The following AK7 variants were observed in gnomAD, a reference collection of about 807,000 sequenced individuals.
AK7 encodes adenylate kinase 7.
In AK7, 78 loss-of-function variants were observed where a neutral mutation model predicts 96.6. That is an observed-to-expected ratio of 0.81 (90% CI 0.67 to 0.97). The LOEUF is 0.97. AK7 is among the 50% of genes least tolerant of loss of function. AK7 has a pLI of 0.00. For synonymous variants in AK7, 302 were observed against 317.2 expected, an observed-to-expected ratio of 0.95 and a Z score of 0.51; for missense variants, 855 against 887.9, an observed-to-expected ratio of 0.96 and a Z score of 0.47.
chr14:96,398,100 C>A lies in AK7; in HGVS notation c.131C>A (p.Ala44Asp). The change falls in exon 2 of 18, where the codon GCT becomes GAT. Residue 44 changes from alanine to aspartate, a missense_variant. Ala to Asp is a moderately radical substitution (Grantham distance 126). Coordinates refer to ENST00000267584, the MANE Select transcript of AK7 (RefSeq NM_152327.5). The stretch of plus-strand genomic sequence containing the variant: ...TTTCTATCTAACTGTGTAGTTGGGG[C>A]TTCGCTTGAAGAAATTACAGAGGAA... ...GKFLSNCVVG[A>D]SLEEITEEEE... 1 of 1,614,024 alleles carries A rather than the reference C, an allele frequency of 6.2e-7. No homozygotes were observed. The highest frequency in any genetic ancestry group is 1.1e-5 in the South Asian group (1 of 91,080).
chr14:96,407,789 G>A (rs1032469133), intron 3 of AK7, among the ~76,000 whole-genome samples: 1 of 151,860 alleles, frequency 6.6e-6, no homozygotes, highest in Non-Finnish European at 1.5e-5. Context: ...CACTGTGTTA[G>A]CCAGGATGGT....
At chr14:96,427,100 C>T (rs892336920) in intron 5 of AK7, among the ~76,000 whole-genome samples, 1 of 152,104 alleles carries the variant, frequency 6.6e-6, no homozygotes, top group African/African-American at 2.4e-5. Flanking sequence ...ACAAAATTAG[C>T]CAGGCGTGGT....
chr14:96,487,032 A>G lies in AK7; in HGVS notation c.2109A>G (p.Arg703=). ...IQGLNECCNV[R]PEDPVDFLAE... is the part of the protein sequence containing the mutation. Reference sequence around the variant, plus strand: ...GCCTGAATGAATGTTGCAACGTCCGACCCGAAGACCCTGTTGATTTTCTGG... The same window carrying G: ...GCCTGAATGAATGTTGCAACGTCCGGCCCGAAGACCCTGTTGATTTTCTGG... Residue 703 remains arginine (R), a synonymous_variant, in exon 17 of 18, where the codon CGA becomes CGG. Transcript: ENST00000267584. 1 of 1,613,980 alleles carries G rather than the reference A, an allele frequency of 6.2e-7. No individual in the cohort carries two copies. The highest frequency in any genetic ancestry group is 1.3e-5 in the African/African-American group (1 of 75,000).
At chr14:96,407,051 A>G (rs889575589) in intron 3 of AK7, among the ~76,000 whole-genome samples, 7 of 152,208 alleles carry the variant, frequency 4.6e-5, no homozygotes, top group Admixed American at 6.5e-5. Flanking sequence ...CGCAGATACT[A>G]TGGAAGGAAG....
chr14:96,446,444 G>C (rs2140101289), intron 7 of AK7, 73 bp from the exon 8 acceptor site: 1 of 1,279,050 alleles, frequency 7.8e-7, no homozygotes, highest in African/African-American at 1.5e-5. Context: ...GGGGGTGGTG[G>C]TCAGTGAATT....
At chr14:96,483,773 A>G (rs960579130) in intron 16 of AK7, among the ~76,000 whole-genome samples, 3 of 152,186 alleles carry the variant, frequency 2.0e-5, no homozygotes, top group Non-Finnish European at 2.9e-5. Flanking sequence ...TGTATTAGTA[A>G]TACAAATTCC....
intron 4 of AK7, 105 bp downstream of exon 4, chr14:96,409,046 C>T (rs1006740531): frequency 9.1e-6 from 10 of 1,104,600 alleles, no homozygotes; most frequent in Non-Finnish European, 1.3e-5. Context: ...TCTCCCACTC[C>T]TGAATCCTAT....
intron 7 of AK7, among the ~76,000 whole-genome samples, chr14:96,443,242 G>A (rs1893052966): frequency 6.6e-6 from 1 of 152,172 alleles, no homozygotes; most frequent in Non-Finnish European, 1.5e-5. Context: ...ACAGTTGTAG[G>A]TAAAGTTGAC....
chr14:96,464,350 C>G (rs1894436368), intron 12 of AK7, among the ~76,000 whole-genome samples: 1 of 151,782 alleles, frequency 6.6e-6, no homozygotes, highest in African/African-American at 2.4e-5. Flanking sequence ...AAATTCCAGA[C>G]CAGCCTGGGC....
At chr14:96,471,426 C>G in intron 12 of AK7, 52 bp from the exon 13 acceptor site, 1 of 889,914 alleles carries the variant, frequency 1.1e-6, no homozygotes, top group Non-Finnish European at 1.5e-6. Flanking sequence ...ACAACTCTTA[C>G]TTAGAATGTG....
intron 5 of AK7, among the ~76,000 whole-genome samples, chr14:96,434,717 C>T (rs1892546208): frequency 6.6e-6 from 1 of 152,186 alleles, no homozygotes; most frequent in African/African-American, 2.4e-5. Flanking sequence ...TCCAGAAGTG[C>T]CATCTGGGAG....
chr14:96,421,859 A>T (rs1891720193), intron 5 of AK7, among the ~76,000 whole-genome samples: 1 of 151,468 alleles, frequency 6.6e-6, no homozygotes, highest in Admixed American at 6.6e-5. Flanking sequence ...CCCGCCTGGA[A>T]CTCCCAAAGT....
intron 5 of AK7, among the ~76,000 whole-genome samples, chr14:96,429,378 T>A (rs993979720): frequency 6.6e-6 from 1 of 152,220 alleles, no homozygotes; most frequent in Non-Finnish European, 1.5e-5. Context: ...CATAGTATAG[T>A]TTGAAGTCAG....
Position 96,408,686 on chromosome 14 carries a change from A to C in AK7, c.404-161A>C, listed in dbSNP as rs114275892. 3.7e-3 allele frequency among the ~76,000 whole-genome samples: 569 copies of C among 152,338 alleles called. 4 individuals carry two copies. Among genetic ancestry groups the C allele is most frequent in the African/African-American group, 0.013 (546 of 41,580 alleles). On this transcript the variant is annotated intron_variant, in intron 3 of 17. Transcript: ENST00000267584. ...TTTCGGATACAGGTAGCGAGAAAGC[A>C]GGGGGAATTTGAAGAACGGTGATGG... is the stretch of plus-strand genomic sequence containing the variant.
At chr14:96,454,523 G>A (rs1893782460) in intron 10 of AK7, among the ~76,000 whole-genome samples, 1 of 151,726 alleles carries the variant, frequency 6.6e-6, no homozygotes, top group African/African-American at 2.4e-5. Context: ...TGTTGCCCAG[G>A]TTGGAGTGCA....
In AK7 at chr14:96,483,059, T is replaced by C. The variant is rs17853408; in HGVS notation, c.1814T>C (p.Ile605Thr). 1 of 1,614,104 alleles carries C rather than the reference T, an allele frequency of 6.2e-7. No homozygotes were observed. Among genetic ancestry groups the C allele is most frequent in the Admixed American group, 1.7e-5 (1 of 60,010 alleles). ...GCTATCAAACAGCTCATCAAAGAGATTGGGGAGCCTCGAAATTATGGTTTA... is the reference window on the plus strand; with the variant it reads ...GCTATCAAACAGCTCATCAAAGAGACTGGGGAGCCTCGAAATTATGGTTTA... The part of the protein sequence containing the change: ...RLAIKQLIKE[I>T]GEPRNYGLTD... The change falls in exon 16 of 18, where the codon ATT becomes ACT. Residue 605 changes from isoleucine to threonine, a missense_variant. Ile to Thr is a moderately conservative substitution (Grantham distance 89, BLOSUM62 -1). Transcript: ENST00000267584.
At position 96,398,082 on chromosome 14, in the gene AK7, C is replaced by T. The variant is rs1196717906; in HGVS notation, c.113C>T (p.Ser38Phe). The T allele has an allele frequency of 6.2e-7, 1 of 1,613,878 alleles. No individual in the cohort carries two copies. Among genetic ancestry groups the T allele is most frequent in the South Asian group, 1.1e-5 (1 of 91,058 alleles). Residue 38 changes from serine to phenylalanine, a missense_variant, in exon 2 of 18, where the codon TCT (serine) becomes TTT (phenylalanine). Coordinates refer to ENST00000267584, the MANE Select transcript of AK7 (RefSeq NM_152327.5). ...YSSGNIGKFL[S>F]NCVVGASLEE... is the part of the protein sequence containing the mutation. ...ATTTCTGTTTCCTTGCAGTTTCTATCTAACTGTGTAGTTGGGGCTTCGCTT... is the reference window on the plus strand; with the variant it reads ...ATTTCTGTTTCCTTGCAGTTTCTATTTAACTGTGTAGTTGGGGCTTCGCTT...
intron 15 of AK7, among the ~76,000 whole-genome samples, chr14:96,480,983 C>CTCTCTCAGTG (rs1566813726): frequency 6.6e-6 from 1 of 152,216 alleles, no homozygotes; most frequent in Non-Finnish European, 1.5e-5. Flanking sequence ...GACTCTGCTT[C>CTCTCTCAGTG]TCTCTCAGTG....
intron 15 of AK7, among the ~76,000 whole-genome samples, chr14:96,479,079 T>C (rs1026340886): frequency 1.3e-5 from 2 of 151,746 alleles, no homozygotes; most frequent in Non-Finnish European, 2.9e-5. Flanking sequence ...TGATTAATTT[T>C]TTTTTCTTTT....
Sources: gnomAD v4.1 joint callset for allele counts (sites outside exome capture counted in the v4.1 genomes callset) on GRCh38, gnomAD v4.1.1 for gene constraint, MANE v1.5 for transcripts, NCBI Gene and HGNC (gene_info 2026-07-23, HGNC 2026-07-21) for gene names.